The following PTPA variants were observed in gnomAD, a reference collection of about 807,000 sequenced individuals.
The protein encoded by PTPA is serine/threonine-protein phosphatase 2A activator.
Under a neutral mutation model 43.6 loss-of-function variants are expected in PTPA, and 13 were observed. The observed-to-expected ratio is 0.30, with a 90% confidence interval of 0.19 to 0.47. PTPA has a LOEUF of 0.47. PTPA is among the 20% of genes least tolerant of loss of function. PTPA has a pLI of 0.99. For synonymous variants in PTPA, 172 were observed against 158.2 expected (o/e 1.09, Z -0.66); for missense variants, 329 against 411.9 (o/e 0.80, Z 1.74).
In PTPA at chr9:129,130,374, C is replaced by T. The variant is rs777282906; in HGVS notation, c.343-1148C>T. 1.3e-4 allele frequency among the ~76,000 whole-genome samples: 20 copies of T among 151,090 alleles called. No homozygotes were observed. The East Asian group carries it at 1.4e-3, about 10-fold the overall frequency. Reference sequence around the variant, plus strand: ...TGAAGTGCTGTTCCCAAGAGACGCCCGGGCCTGCCTCTGGACTCTTAAGAT... The same window carrying T: ...TGAAGTGCTGTTCCCAAGAGACGCCTGGGCCTGCCTCTGGACTCTTAAGAT... On this transcript the variant is annotated intron_variant, in intron 4 of 9. Transcript: ENST00000393370.
At chr9:129,132,173 AG>A (rs144633400) in intron 5 of PTPA, among the ~76,000 whole-genome samples, 132 of 152,238 alleles carry the variant, frequency 8.7e-4, no homozygotes, top group Non-Finnish European at 1.5e-3. Context: ...ACACTTTAAA[AG>A]GGAAGTGTAG....
Position 129,139,117 on chromosome 9 carries a change from G to A in PTPA, c.786+1425G>A, listed in dbSNP as rs556393578. On this transcript the variant is annotated intron_variant, in intron 8 of 9. Coordinates refer to ENST00000393370, the MANE Select transcript of PTPA (RefSeq NM_178000.3). The stretch of plus-strand genomic sequence containing the variant: ...AAGGCTGAGCTGTTTGGGCTCCCCC[G>A]GCGGCTGGCCAGGCCTCTGGGTCCC... Among the ~76,000 whole-genome samples, 192 of 152,322 alleles carry A rather than the reference G, an allele frequency of 1.3e-3. No individual in the cohort carries two copies. In the South Asian group the frequency reaches 0.02, roughly 16 times the overall value.
Position 129,111,464 on chromosome 9 carries a change from G to A in PTPA, c.-137G>A, listed in dbSNP as rs1389995396. 7.9e-7 allele frequency: 1 copy of A among 1,259,408 alleles called. No homozygotes were observed. The highest frequency in any genetic ancestry group is 1.6e-5 in the African/African-American group (1 of 64,484). The allele number at this position is 1,259,408 out of a possible 1,614,324, so 78.0% of individuals were successfully genotyped here. On this transcript the variant is annotated 5_prime_UTR_variant, in exon 1 of 10. Transcript: ENST00000393370. Reference sequence around the variant, plus strand: ...GTGGTGACTTTAACTCTCGGTTTTCGGTTATAGCCGGCCGGCGCTCACTTG... The same window carrying A: ...GTGGTGACTTTAACTCTCGGTTTTCAGTTATAGCCGGCCGGCGCTCACTTG...
At chr9:129,127,170 A>C (rs1849634365) in intron 3 of PTPA, among the ~76,000 whole-genome samples, 1 of 152,168 alleles carries the variant, frequency 6.6e-6, no homozygotes, top group African/African-American at 2.4e-5. Context: ...TTATCCTCTT[A>C]CAGGCTACTT....
chr9:129,111,873 A>G, intron 1 of PTPA: 1 of 1,058,442 alleles, frequency 9.4e-7, no homozygotes, highest in Non-Finnish European at 1.2e-6. Context: ...GTTTTGTGGG[A>G]GTCCAGGCTG....
At chr9:129,142,809 C>T in intron 9 of PTPA, 1 of 1,535,356 alleles carries the variant, frequency 6.5e-7, no homozygotes, top group Non-Finnish European at 8.7e-7. Context: ...GAGGCTGAGG[C>T]AAGGACCTGC....
intron 1 of PTPA, among the ~76,000 whole-genome samples, chr9:129,114,399 T>G (rs1848736281): frequency 6.6e-6 from 1 of 152,254 alleles, no homozygotes; most frequent in Non-Finnish European, 1.5e-5. Flanking sequence ...AAGTCACAGC[T>G]CTGTGAGCCT....
intron 1 of PTPA, among the ~76,000 whole-genome samples, chr9:129,118,378 A>C (rs1849032362): frequency 6.7e-6 from 1 of 149,382 alleles, no homozygotes; most frequent in South Asian, 2.1e-4. Flanking sequence ...AATTAATAAA[A>C]AATTTTTTTA....
chr9:129,131,912 G>A (rs1850001516), intron 5 of PTPA, among the ~76,000 whole-genome samples: 1 of 152,202 alleles, frequency 6.6e-6, no homozygotes, highest in South Asian at 2.1e-4. Flanking sequence ...TTCTGTTCTT[G>A]TGAAAATGGT....
intron 7 of PTPA, among the ~76,000 whole-genome samples, chr9:129,137,109 T>A (rs903668833): frequency 1.3e-5 from 2 of 152,216 alleles, no homozygotes; most frequent in African/African-American, 4.8e-5. Context: ...GTTTTCAGGA[T>A]GGGCGTAGGT....
chr9:129,142,863 CA>C, intron 9 of PTPA: 2 of 1,524,856 alleles, frequency 1.3e-6, no homozygotes, highest in Non-Finnish European at 1.8e-6. Context: ...TCTCCTTTAT[CA>C]AGTGGCCAAA....
At chr9:129,145,377 C>G (rs1043462669) in intron 9 of PTPA, among the ~76,000 whole-genome samples, 1 of 152,040 alleles carries the variant, frequency 6.6e-6, no homozygotes, top group Non-Finnish European at 1.5e-5. Context: ...GTTCAACACT[C>G]ATTGACAACT....
At chr9:129,144,734 CTCA>C (rs1174306422) in intron 9 of PTPA, among the ~76,000 whole-genome samples, 10 of 42,346 alleles carry the variant, frequency 2.4e-4, no homozygotes, top group East Asian at 7.4e-4. Context: ...GCGAGACTCT[CTCA>C]AAAAAAAAAA....
At position 129,123,057 on chromosome 9, in the gene PTPA, C is replaced by T. The variant is rs778381560; in HGVS notation, c.135C>T (p.Tyr45=). 2.4e-5 allele frequency: 38 copies of T among 1,608,404 alleles called. No homozygotes were observed. Among genetic ancestry groups the T allele is most frequent in the Middle Eastern group, 3.3e-4 (2 of 6,042 alleles). Reference sequence around the variant, plus strand: ...TTCTCCTCTCTGTTTGGTAGGCATACGCTGACTACATCGGATTCATCCTTA... The same window carrying T: ...TTCTCCTCTCTGTTTGGTAGGCATATGCTGACTACATCGGATTCATCCTTA... The part of the protein sequence containing the change: ...DMGKWKRSQA[Y]ADYIGFILTL... The change falls in exon 3 of 10, where the codon TAC becomes TAT. Residue 45 remains tyrosine (Y), a synonymous_variant. Coordinates refer to ENST00000393370, the MANE Select transcript of PTPA (RefSeq NM_178000.3).
chr9:129,142,542 A>G lies in PTPA; in HGVS notation c.884A>G (p.Tyr295Cys), dbSNP rs984475406. ...SKVNQGLIRM[Y>C]KAECLEKFPV... ...GTGAACCAGGGTCTCATCCGCATGTATAAGGCCGAGGTGAGTGGGGGCTGG... is the reference window on the plus strand; with the variant it reads ...GTGAACCAGGGTCTCATCCGCATGTGTAAGGCCGAGGTGAGTGGGGGCTGG... Residue 295 changes from tyrosine (Y) to cysteine (C), a missense_variant, in exon 9 of 10, where the codon TAT becomes TGT. Physicochemically the swap from Tyr to Cys is radical, Grantham distance 194. Coordinates refer to ENST00000393370, the MANE Select transcript of PTPA (RefSeq NM_178000.3). 3 of 1,614,030 alleles carry G rather than the reference A, an allele frequency of 1.9e-6. No individual in the cohort carries two copies. Among genetic ancestry groups the G allele is most frequent in the Admixed American group, 1.7e-5 (1 of 60,012 alleles).
rs141881548 is a variant in PTPA at position 129,117,775 on chromosome 9, C to T, written c.32-2738C>T. On this transcript the variant is annotated intron_variant, in intron 1 of 9. Transcript: ENST00000393370. ...TGCAGTGGAACGGTCCAGCTCACTG[C>T]AAGCTCTGCCTCCCCAGTTCAAGCG... is the stretch of plus-strand genomic sequence containing the variant. Among the ~76,000 whole-genome samples the T allele has an allele frequency of 6.9e-4, 105 of 151,332 alleles. 1 individual carries two copies. Among genetic ancestry groups the T allele is most frequent in the Non-Finnish European group, 1.4e-3 (94 of 67,934 alleles).
intron 1 of PTPA, among the ~76,000 whole-genome samples, chr9:129,115,998 C>A (rs544763748): frequency 6.6e-6 from 1 of 152,040 alleles, no homozygotes; most frequent in Non-Finnish European, 1.5e-5. Context: ...GTAGCTGGGA[C>A]TACAGGTGTG....
intron 3 of PTPA, among the ~76,000 whole-genome samples, chr9:129,126,008 C>T (rs1001391963): frequency 4.1e-4 from 63 of 151,816 alleles, no homozygotes; most frequent in African/African-American, 1.5e-3. Flanking sequence ...GTTAGCTGGG[C>T]GTGGCGGCAG....
At chr9:129,145,535 A>G (rs568677934) in intron 9 of PTPA, among the ~76,000 whole-genome samples, 58 of 152,264 alleles carry the variant, frequency 3.8e-4, no homozygotes, top group African/African-American at 1.3e-3. Context: ...CTTGCAGTCC[A>G]GGGGTGGGTA....
Sources: gnomAD v4.1 joint callset for allele counts (sites outside exome capture counted in the v4.1 genomes callset) on GRCh38, gnomAD v4.1.1 for gene constraint, MANE v1.5 for transcripts, NCBI Gene and HGNC (gene_info 2026-07-23, HGNC 2026-07-21) for gene names.